Variants in PMEPA1 observed in about 807,000 individuals in gnomAD.
The protein encoded by PMEPA1 is prostate transmembrane protein, androgen induced 1.
In PMEPA1, 11 loss-of-function variants were observed where a neutral mutation model predicts 23.0. That is an observed-to-expected ratio of 0.48 (90% confidence interval 0.30 to 0.79). PMEPA1 has a LOEUF of 0.79. Among genes scored for constraint, PMEPA1 ranks in the 30% least tolerant of loss-of-function variants. PMEPA1 has a pLI of 0.06. For synonymous variants in PMEPA1, 204 were observed against 166.4 expected (o/e 1.23, Z -1.74); for missense variants, 377 against 390.9 (o/e 0.96, Z 0.30).
At chr20:57,677,381 T>A (rs959079305) in intron 1 of PMEPA1, among the ~76,000 whole-genome samples, 1 of 152,218 alleles carries the variant, frequency 6.6e-6, no homozygotes, top group Non-Finnish European at 1.5e-5. Flanking sequence ...ATCTTCTTTC[T>A]AAGTGCTTGC....
Position 57,683,936 on chromosome 20 carries a change from T to TA in PMEPA1, c.110-24240dup, listed in dbSNP as rs958369258. On this transcript the variant is annotated intron_variant, in intron 1 of 3. Transcript: ENST00000341744. The surrounding 1 kb of genome is among the most constrained non-coding windows in gnomAD (Gnocchi z 4.3). ...GGGCTGTCTGTTTTGGGGGTAGAAA[T>TA]AAAAAGATCTGGCCAAGAAACCTGG... Among the ~76,000 whole-genome samples, 39 of 152,140 alleles carry TA rather than the reference T, an allele frequency of 2.6e-4. No homozygotes were observed. The highest frequency in any genetic ancestry group is 8.5e-4 in the Admixed American group (13 of 15,280).
At chr20:57,702,789 A>G (rs957462870) in intron 1 of PMEPA1, among the ~76,000 whole-genome samples, 3 of 152,260 alleles carry the variant, frequency 2.0e-5, no homozygotes, top group African/African-American at 7.2e-5. Flanking sequence ...TTGAACACTG[A>G]GAAAAATGCG....
chr20:57,658,690 G>C (rs532029014), intron 2 of PMEPA1, among the ~76,000 whole-genome samples: 2 of 152,192 alleles, frequency 1.3e-5, no homozygotes, highest in African/African-American at 4.8e-5. Context: ...CTGAGGGCAC[G>C]TGGCCAGTAC....
intron 1 of PMEPA1, among the ~76,000 whole-genome samples, chr20:57,681,298 C>T (rs2071709282): frequency 6.6e-6 from 1 of 152,206 alleles, no homozygotes; most frequent in Non-Finnish European, 1.5e-5. Context: ...ACCCCCGTCC[C>T]TCCAAACCTG....
chr20:57,659,469 T>A (rs1198459062), intron 2 of PMEPA1, 74 bp downstream of exon 2: 1 of 1,490,310 alleles, frequency 6.7e-7, no homozygotes, highest in East Asian at 2.4e-5. Context: ...TGCCATTGGA[T>A]CCCGTCTGAG....
intron 1 of PMEPA1, among the ~76,000 whole-genome samples, chr20:57,694,632 A>T: frequency 6.6e-6 from 1 of 152,086 alleles, no homozygotes; most frequent in East Asian, 1.9e-4. Context: ...TGGGCAATTG[A>T]CTTCTGCCCT....
intron 1 of PMEPA1, chr20:57,700,127 A>G (rs977963202): frequency 2.1e-6 from 1 of 471,476 alleles, no homozygotes; most frequent in African/African-American, 2.0e-5. Flanking sequence ...CTTAAGGACC[A>G]GCAGAGACTC....
intron 1 of PMEPA1, among the ~76,000 whole-genome samples, chr20:57,675,499 A>T: frequency 6.6e-6 from 1 of 152,242 alleles, no homozygotes; most frequent in Admixed American, 6.5e-5. Flanking sequence ...CGCTTGGCTC[A>T]TCACCTTCAT....
intron 2 of PMEPA1, among the ~76,000 whole-genome samples, chr20:57,657,538 G>A (rs1052040265): frequency 2.6e-5 from 4 of 152,232 alleles, no homozygotes; most frequent in Non-Finnish European, 5.9e-5. Context: ...AAATAAACAC[G>A]TCGGGGCTTG....
intron 1 of PMEPA1, among the ~76,000 whole-genome samples, chr20:57,672,978 C>T (rs939657657): frequency 2.0e-5 from 3 of 152,136 alleles, no homozygotes; most frequent in African/African-American, 7.2e-5. Context: ...GAGTGAAGAG[C>T]CATAAAGTAC....
At position 57,656,688 on chromosome 20, in the gene PMEPA1, G is replaced by A. The variant is rs779032556; in HGVS notation, c.264+2855C>T. Among the ~76,000 whole-genome samples the A allele has an allele frequency of 1.3e-5, 2 of 152,304 alleles. No individual in the cohort carries two copies. Among genetic ancestry groups the A allele is most frequent in the Admixed American group, 6.5e-5 (1 of 15,310 alleles). The stretch of plus-strand genomic sequence containing the variant: ...CACACAACAAGGAGGTGACAAGGCC[G>A]AGAAAAGACCTCAGAGCTCAGGGTC... On this transcript the variant is annotated intron_variant, in intron 2 of 3. Coordinates refer to ENST00000341744, the MANE Select transcript of PMEPA1 (RefSeq NM_020182.5). The surrounding 1 kb of genome is among the most constrained non-coding windows in gnomAD (Gnocchi z 4.7).
intron 1 of PMEPA1, chr20:57,690,701 C>A: frequency 1.2e-5 from 8 of 651,666 alleles, no homozygotes; most frequent in Non-Finnish European, 1.7e-5. Context: ...GAAGATCTGG[C>A]TTCTTCTGAG....
In PMEPA1 at chr20:57,659,689, C is replaced by G. The variant is rs1275207101; in HGVS notation, c.118G>C (p.Glu40Gln). Residue 40 changes from glutamate (E) to glutamine (Q), a missense_variant, in exon 2 of 4, where the codon GAG (glutamate) becomes CAG (glutamine). By Grantham distance (29) the Glu-to-Gln change is conservative. Coordinates refer to ENST00000341744, the MANE Select transcript of PMEPA1 (RefSeq NM_020182.5). ...LFQSMEITEL[E>Q]FVQIIIIVVV... ...ACGATGATGATGATCTGAACAAACT[C>G]CAGCTCCGCTGTGGAGACAAAGAGG... The G allele has an allele frequency of 6.3e-7, 1 of 1,577,424 alleles. No individual in the cohort carries two copies. Among genetic ancestry groups the G allele is most frequent in the East Asian group, 2.3e-5 (1 of 42,576 alleles).
At chr20:57,681,334 C>A (rs1484597659) in intron 1 of PMEPA1, among the ~76,000 whole-genome samples, 1 of 152,212 alleles carries the variant, frequency 6.6e-6, no homozygotes, top group Non-Finnish European at 1.5e-5. Flanking sequence ...CCTGAGGGCA[C>A]CCTCACCCTG....
intron 1 of PMEPA1, 139 bp from the exon 2 acceptor site, chr20:57,659,836 C>T (rs2071387840): frequency 2.6e-6 from 2 of 765,020 alleles, no homozygotes; most frequent in Admixed American, 2.4e-5. Context: ...CGCCACTCTC[C>T]CGGCAAGGTC....
chr20:57,704,543 G>A lies in PMEPA1; in HGVS notation c.109+4931C>T, dbSNP rs1251055218. ...CGAGGCTGGCAGCAGCACAGCCTCC[G>A]AAATTCACCGTGTAAGAGTTCCTTC... is the stretch of plus-strand genomic sequence containing the variant. On this transcript the variant is annotated intron_variant, in intron 1 of 3. Transcript: ENST00000341744. This position sits in a 1 kb window ranked among gnomAD's most constrained non-coding sequence, Gnocchi z 4.6. 2.6e-5 allele frequency among the ~76,000 whole-genome samples: 4 copies of A among 152,206 alleles called. No homozygotes were observed. The highest frequency in any genetic ancestry group is 1.3e-4 in the Admixed American group (2 of 15,288).
rs1248961273 is a variant in PMEPA1 at position 57,649,591 on chromosome 20, T to A, written c.*2462A>T. The A allele has an allele frequency of 6.6e-6, 1 of 152,246 alleles. No homozygotes were observed. The highest frequency in any genetic ancestry group is 2.4e-5 in the African/African-American group (1 of 41,448). 9.4% of individuals were successfully genotyped at this position (152,246 alleles called of 1,614,324 possible). ...GTTTGGCTCAAGAGGATATGAGGACTGTCTCAGCCTGGCTTTGGGCTGACA... is the reference window on the plus strand; with the variant it reads ...GTTTGGCTCAAGAGGATATGAGGACAGTCTCAGCCTGGCTTTGGGCTGACA... On this transcript the variant is annotated 3_prime_UTR_variant, in exon 4 of 4. Coordinates refer to ENST00000341744, the MANE Select transcript of PMEPA1 (RefSeq NM_020182.5).
At chr20:57,654,284 G>T (rs2071294630) in intron 2 of PMEPA1, among the ~76,000 whole-genome samples, 1 of 152,072 alleles carries the variant, frequency 6.6e-6, no homozygotes, top group South Asian at 2.1e-4. Flanking sequence ...CATACAATTT[G>T]GTTCGGGCAT....
intron 1 of PMEPA1, among the ~76,000 whole-genome samples, chr20:57,689,087 G>A (rs1335219166): frequency 3.9e-5 from 6 of 152,234 alleles, no homozygotes; most frequent in East Asian, 1.9e-4. Context: ...CCGAGTGGGC[G>A]TCAGCTTGAT....
Sources: allele counts gnomAD v4.1 joint callset (sites outside exome capture counted in the v4.1 genomes callset), GRCh38; gene constraint gnomAD v4.1.1; non-coding constraint Gnocchi (gnomAD v3.1); transcripts MANE v1.5; gene names NCBI Gene and HGNC (gene_info 2026-07-23, HGNC 2026-07-21).